ITIH5: variants seen among roughly 807,000 people sequenced by gnomAD.
ITIH5 encodes the protein inter-alpha-trypsin inhibitor heavy chain 5, also known as inter-alpha-trypsin inhibitor heavy chain H5.
Under a neutral mutation model 77.5 loss-of-function variants are expected in ITIH5, and 65 were observed. That is an observed-to-expected ratio of 0.84 (90% CI 0.69 to 1.03). The LOEUF (loss-of-function observed/expected upper bound fraction) is 1.03. Among genes scored for constraint, ITIH5 ranks in the 50% least tolerant of loss-of-function variants. The pLI, the probability that ITIH5 is intolerant of heterozygous loss-of-function variation, is 0.00. For synonymous variants in ITIH5, 525 were observed against 494.3 expected, an observed-to-expected ratio of 1.06 and a Z score of -0.82; for missense variants, 1,208 against 1,213.1, an observed-to-expected ratio of 1.00 and a Z score of 0.06.
At chr10:7,602,920 A>T (rs1054177079) in intron 7 of ITIH5, among the ~76,000 whole-genome samples, 2 of 152,144 alleles carry the variant, frequency 1.3e-5, no homozygotes, top group Admixed American at 6.6e-5. Context: ...TGTGGGGCAC[A>T]TGCTCTCATT....
intron 5 of ITIH5, among the ~76,000 whole-genome samples, chr10:7,631,918 C>A (rs1249495530): frequency 6.6e-6 from 1 of 151,850 alleles, no homozygotes; most frequent in Admixed American, 6.6e-5. Flanking sequence ...TCCCAAGTAC[C>A]TGGGATTACA....
chr10:7,580,796 G>A (rs1832536135), intron 8 of ITIH5, among the ~76,000 whole-genome samples: 1 of 152,194 alleles, frequency 6.6e-6, no homozygotes, highest in Admixed American at 6.5e-5. Flanking sequence ...GCTAGGTGGA[G>A]CTGATGAAAG....
rs146842853 is a variant in ITIH5 at position 7,646,058 on chromosome 10, A to C, written c.136-3968T>G. Among the ~76,000 whole-genome samples, 323 of 152,376 alleles carry C rather than the reference A, an allele frequency of 2.1e-3. 3 individuals are homozygous for C. The highest frequency in any genetic ancestry group is 0.014 in the Middle Eastern group (4 of 294). The stretch of plus-strand genomic sequence containing the variant: ...TTCTTTCTAAATTATCCATGATTAA[A>C]TATATTCTTTTATCTCCAAATCTAA... On this transcript the variant is annotated intron_variant, in intron 2 of 13. Transcript: ENST00000397146.
chr10:7,657,942 A>C (rs7080567), intron 1 of ITIH5, among the ~76,000 whole-genome samples: 18,428 of 152,218 alleles, frequency 0.12, 1,276 homozygotes, highest in East Asian at 0.29. Flanking sequence ...CTGACCCAAG[A>C]TGGACAAGGT....
At chr10:7,629,934 A>G (rs376351167) in intron 5 of ITIH5, among the ~76,000 whole-genome samples, 25 of 152,346 alleles carry the variant, frequency 1.6e-4, no homozygotes, top group East Asian at 1.5e-3. Flanking sequence ...CCCACTCTAG[A>G]CAAGTCCTAC....
intron 5 of ITIH5, among the ~76,000 whole-genome samples, chr10:7,625,059 T>C (rs1006064678): frequency 3.3e-5 from 5 of 151,520 alleles, no homozygotes; most frequent in Admixed American, 2.0e-4. Context: ...GAGAGACTTC[T>C]GTCAAATGCC....
intron 5 of ITIH5, 59 bp downstream of exon 5, chr10:7,637,169 C>T (rs953871768): frequency 7.5e-5 from 116 of 1,555,968 alleles, no homozygotes; most frequent in Admixed American, 5.7e-4. Context: ...TCTCCGAAGC[C>T]AAGGACCAGC....
At chr10:7,666,745 C>A in intron 1 of ITIH5, 58 bp downstream of exon 1, 1 of 1,431,828 alleles carries the variant, frequency 7.0e-7, no homozygotes. Flanking sequence ...CGCGGCCGGG[C>A]CGGCGGAGGG....
intron 8 of ITIH5, among the ~76,000 whole-genome samples, chr10:7,581,001 T>A (rs1043277496): frequency 2.0e-5 from 3 of 152,174 alleles, no homozygotes; most frequent in African/African-American, 7.2e-5. Context: ...GGCTCATGCC[T>A]GTAATCCCAG....
At chr10:7,650,580 C>CA (rs1481252111) in intron 2 of ITIH5, among the ~76,000 whole-genome samples, 1 of 151,822 alleles carries the variant, frequency 6.6e-6, no homozygotes, top group African/African-American at 2.4e-5. Flanking sequence ...ATTAAAAATG[C>CA]AAAAAATTAG....
intron 9 of ITIH5, chr10:7,578,658 A>C (rs2130960867): frequency 6.6e-6 from 1 of 152,318 alleles, no homozygotes; most frequent in African/African-American, 2.4e-5. Context: ...ATCATTAATA[A>C]ATGTGCTTTG....
At position 7,566,363 on chromosome 10, in the gene ITIH5, T is replaced by C; in HGVS notation, c.2194A>G (p.Asn732Asp). The C allele has an allele frequency of 6.2e-7, 1 of 1,605,002 alleles. No individual in the cohort carries two copies. Among genetic ancestry groups the C allele is most frequent in the Non-Finnish European group, 8.5e-7 (1 of 1,172,364 alleles). ...GELIGAPAPP[N>D]GHKKQRTYLR... ...TAAGTGCGCTGTTTCTTGTGGCCAT[T>C]TGGAGGGGCGGGTGCCCCAATTAAC... Residue 732 changes from asparagine (N) to aspartate (D), a missense_variant, in exon 13 of 14, where the codon AAT becomes GAT. Physicochemically the swap from Asn to Asp is conservative, Grantham distance 23. Coordinates refer to ENST00000397146, the MANE Select transcript of ITIH5 (RefSeq NM_030569.7).
At chr10:7,587,933 C>T (rs1242978434) in intron 7 of ITIH5, among the ~76,000 whole-genome samples, 2 of 152,182 alleles carry the variant, frequency 1.3e-5, no homozygotes, top group African/African-American at 2.4e-5. Context: ...CCACTGCTTT[C>T]GTATCCTTTC....
intron 5 of ITIH5, among the ~76,000 whole-genome samples, chr10:7,634,074 G>A (rs1337173066): frequency 8.7e-6 from 1 of 115,476 alleles, no homozygotes; most frequent in African/African-American, 3.4e-5. Context: ...GGGCGACAGA[G>A]CAAGACTCCG....
intron 11 of ITIH5, among the ~76,000 whole-genome samples, chr10:7,571,031 G>A (rs979364323): frequency 6.6e-6 from 1 of 152,160 alleles, no homozygotes; most frequent in African/African-American, 2.4e-5. Context: ...TTTTTAAGCT[G>A]CAGCAAACTA....
intron 5 of ITIH5, among the ~76,000 whole-genome samples, chr10:7,628,651 T>TTATGGGATG (rs1833629779): frequency 6.9e-6 from 1 of 144,196 alleles, no homozygotes; most frequent in Non-Finnish European, 1.5e-5. Context: ...TGTGTCCATG[T>TTATGGGATG]TGTCTGGGTT....
At chr10:7,582,091 G>A (rs1272226827) in intron 8 of ITIH5, among the ~76,000 whole-genome samples, 50 of 151,978 alleles carry the variant, frequency 3.3e-4, no homozygotes, top group African/African-American at 5.5e-4. Context: ...TGGCCAGGCT[G>A]GTCTTGATTT....
intron 7 of ITIH5, among the ~76,000 whole-genome samples, chr10:7,613,260 A>G (rs77074817): frequency 1.7e-4 from 1 of 6,006 alleles, no homozygotes; most frequent in African/African-American, 2.0e-4. Context: ...AAAAAAAAAA[A>G]AAAAAAAAAA....
intron 5 of ITIH5, among the ~76,000 whole-genome samples, chr10:7,628,747 ATGTTGCAGCGTGTGT>A (rs1833636463): frequency 4.3e-5 from 5 of 116,048 alleles, no homozygotes; most frequent in Admixed American, 1.1e-4. Context: ...GCGTGTGTCC[ATGTTGCAGCGTGTGT>A]CCATGTTGTA....
Sources: allele counts gnomAD v4.1 joint callset (sites outside exome capture counted in the v4.1 genomes callset), GRCh38; gene constraint gnomAD v4.1.1; transcripts MANE v1.5; gene names NCBI Gene and HGNC (gene_info 2026-07-23, HGNC 2026-07-21).